The following CPVL variants were observed in gnomAD, a reference collection of about 807,000 sequenced individuals.
CPVL encodes probable serine carboxypeptidase CPVL.
A neutral mutation model predicts 63.7 loss-of-function variants in CPVL; 51 were observed. The observed-to-expected ratio is 0.80, with a 90% CI of 0.64 to 1.01. The LOEUF is 1.01. Among genes scored for constraint, CPVL ranks in the 50% least tolerant of loss-of-function variants. The pLI is 0.00. For missense variants in CPVL, 530 were observed against 573.1 expected, an observed-to-expected ratio of 0.92 and a Z score of 0.77; for synonymous variants, 195 against 206.0, an observed-to-expected ratio of 0.95 and a Z score of 0.46.
At chr7:29,073,245 C>T (rs763310721) in intron 7 of CPVL, among the ~76,000 whole-genome samples, 1 of 152,140 alleles carries the variant, frequency 6.6e-6, no homozygotes, top group Non-Finnish European at 1.5e-5. Context: ...TGGTGCCATT[C>T]GTTATATCTC....
intron 11 of CPVL, among the ~76,000 whole-genome samples, chr7:29,043,894 C>T (rs1789367664): frequency 6.6e-6 from 1 of 151,996 alleles, no homozygotes; most frequent in African/African-American, 2.4e-5. Flanking sequence ...GGGTCAACTG[C>T]CACAGAATTA....
At chr7:29,173,445 A>G (rs1172207199) in intron 5 of CPVL, among the ~76,000 whole-genome samples, 2 of 152,066 alleles carry the variant, frequency 1.3e-5, no homozygotes, top group Non-Finnish European at 2.9e-5. Flanking sequence ...GCTACGAGAG[A>G]ATGTCACCCC....
intron 11 of CPVL, among the ~76,000 whole-genome samples, chr7:29,042,206 T>C (rs1452897378): frequency 6.6e-6 from 1 of 152,124 alleles, no homozygotes; most frequent in African/African-American, 2.4e-5. Context: ...ATAGCTATCA[T>C]TACAGGGGAG....
chr7:29,075,695 T>A (rs1055660695), intron 7 of CPVL, among the ~76,000 whole-genome samples: 1 of 151,664 alleles, frequency 6.6e-6, no homozygotes, highest in Admixed American at 6.6e-5. Flanking sequence ...CAAAATGAAA[T>A]TCTTCAATAT....
At chr7:29,095,978 G>C (rs1786364709) in intron 4 of CPVL, 125 bp downstream of exon 4, 1 of 807,592 alleles carries the variant, frequency 1.2e-6, no homozygotes. Flanking sequence ...AGAAAGTTGT[G>C]TTTTGATAAT....
chr7:29,099,001 A>T (rs1786760175), intron 3 of CPVL, among the ~76,000 whole-genome samples: 1 of 152,108 alleles, frequency 6.6e-6, no homozygotes, highest in Admixed American at 6.6e-5. Flanking sequence ...GGAGGCGGTC[A>T]TTGCGGTGAG....
At chr7:29,073,934 C>T (rs1388698911) in intron 7 of CPVL, among the ~76,000 whole-genome samples, 1 of 152,220 alleles carries the variant, frequency 6.6e-6, no homozygotes, top group African/African-American at 2.4e-5. Context: ...AGACTAGAGA[C>T]ATTATGTGGA....
At chr7:28,996,569 CA>C (rs1194607104) in intron 12 of CPVL, among the ~76,000 whole-genome samples, 1 of 137,980 alleles carries the variant, frequency 7.2e-6, no homozygotes, top group Non-Finnish European at 1.6e-5. Context: ...AAAAACAAAA[CA>C]AAAAACTTGA....
chr7:28,998,657 A>G (rs952474705), intron 12 of CPVL, among the ~76,000 whole-genome samples: 2 of 152,140 alleles, frequency 1.3e-5, no homozygotes, highest in African/African-American at 4.8e-5. Context: ...ACACTTATCT[A>G]TATTGAAAAT....
At chr7:29,164,797 A>C (rs1009061834) in intron 5 of CPVL, among the ~76,000 whole-genome samples, 6 of 151,698 alleles carry the variant, frequency 4.0e-5, no homozygotes, top group Admixed American at 6.6e-5. Flanking sequence ...AAAAAAAAAA[A>C]AAAACAAAGA....
chr7:29,107,936 T>G (rs1458532672), intron 3 of CPVL, among the ~76,000 whole-genome samples: 1 of 152,210 alleles, frequency 6.6e-6, no homozygotes. Flanking sequence ...GGACATGCTC[T>G]TCTACTGCCA....
At chr7:29,175,912 C>T (rs34023768) in intron 5 of CPVL, among the ~76,000 whole-genome samples, 16,635 of 152,030 alleles carry the variant, frequency 0.11, 1,038 homozygotes, top group African/African-American at 0.15. Flanking sequence ...ACCAGACGGG[C>T]GCGGTGGCTC....
chr7:29,059,905 T>C (rs1268815925), intron 11 of CPVL, among the ~76,000 whole-genome samples: 1 of 152,184 alleles, frequency 6.6e-6, no homozygotes. Context: ...CTCTCTAATT[T>C]TGGAGGGCAG....
intron 3 of CPVL, among the ~76,000 whole-genome samples, chr7:29,105,490 G>A (rs1327785240): frequency 6.6e-6 from 1 of 152,166 alleles, no homozygotes; most frequent in African/African-American, 2.4e-5. Flanking sequence ...GAGACAGAAA[G>A]ACTGACTGCC....
chr7:29,161,412 C>T (rs1370836358), intron 5 of CPVL, among the ~76,000 whole-genome samples: 2 of 152,004 alleles, frequency 1.3e-5, no homozygotes, highest in Non-Finnish European at 2.9e-5. Flanking sequence ...CATGCAGCAA[C>T]TTTCACAATC....
rs566673868 is a variant in CPVL, at chr7:29,127,138, G to A, written c.-10-6067C>T. Among the ~76,000 whole-genome samples the A allele has an allele frequency of 2.6e-4, 39 of 152,284 alleles. No individual in the cohort carries two copies. In the South Asian group the frequency reaches 7.3e-3, roughly 28 times the overall value. The stretch of plus-strand genomic sequence containing the variant: ...AGAGAATGAGAAAAATCAGGAAGAG[G>A]AGAAAATAATATAATCTGACACCAC... On this transcript the variant is annotated intron_variant, in intron 1 of 12. Coordinates refer to ENST00000265394, the MANE Select transcript of CPVL (RefSeq NM_031311.5).
At chr7:29,121,816 G>A (rs1789409529) in intron 1 of CPVL, among the ~76,000 whole-genome samples, 1 of 152,072 alleles carries the variant, frequency 6.6e-6, no homozygotes, top group Non-Finnish European at 1.5e-5. Context: ...TAAAGCCCCA[G>A]TTTGTATCAA....
At chr7:29,102,720 A>G (rs1285313372) in intron 3 of CPVL, among the ~76,000 whole-genome samples, 2 of 152,132 alleles carry the variant, frequency 1.3e-5, no homozygotes, top group African/African-American at 2.4e-5. Flanking sequence ...TTGCCTCAGA[A>G]GCCCTTTCGA....
downstream of CPVL, chr7:28,995,202 G>GCAT (rs887373948): frequency 1.3e-5 from 2 of 152,552 alleles, no homozygotes; most frequent in Non-Finnish European, 2.9e-5. Flanking sequence ...CTGCATAAGA[G>GCAT]CATCTGCTTA....
Sources: gnomAD v4.1 joint callset for allele counts (sites outside exome capture counted in the v4.1 genomes callset) on GRCh38, gnomAD v4.1.1 for gene constraint, MANE v1.5 for transcripts, NCBI Gene and HGNC (gene_info 2026-07-23, HGNC 2026-07-21) for gene names.